UQCC1: variants seen among roughly 807,000 people sequenced by gnomAD.
The protein encoded by UQCC1 is ubiquinol-cytochrome c reductase complex assembly factor 1, also known as bFGF-repressed Zic-binding protein.
In UQCC1, 38 loss-of-function variants were observed where a neutral mutation model predicts 48.0. That is an observed-to-expected ratio of 0.79 (90% CI 0.61 to 1.04). The LOEUF (loss-of-function observed/expected upper bound fraction) is 1.04, where lower values mean the gene tolerates loss of function less well. UQCC1 is among the 50% of genes least tolerant of loss of function. The pLI, the probability that UQCC1 is intolerant of heterozygous loss-of-function variation, is 0.00. For missense variants in UQCC1, 368 were observed against 381.8 expected (o/e 0.96, Z 0.30); for synonymous variants, 111 against 129.2 (o/e 0.86, Z 0.95).
intron 7 of UQCC1, among the ~76,000 whole-genome samples, chr20:35,335,684 T>C (rs1381745463): frequency 6.6e-6 from 1 of 152,182 alleles, no homozygotes; most frequent in Non-Finnish European, 1.5e-5. Flanking sequence ...GGAACGGGTG[T>C]GACTGCTAAT....
At chr20:35,408,808 T>C (rs1000817913) in intron 1 of UQCC1, among the ~76,000 whole-genome samples, 3 of 151,876 alleles carry the variant, frequency 2.0e-5, no homozygotes, top group African/African-American at 7.3e-5. Flanking sequence ...TGAGCTATGA[T>C]TGAGCCACTA....
chr20:35,403,611 C>T (rs1375910098), intron 1 of UQCC1, among the ~76,000 whole-genome samples: 7 of 152,298 alleles, frequency 4.6e-5, no homozygotes, highest in African/African-American at 1.4e-4. Context: ...CACACACACA[C>T]GTATGTTTAC....
intron 5 of UQCC1, among the ~76,000 whole-genome samples, chr20:35,369,491 A>G (rs2061705444): frequency 6.6e-6 from 1 of 152,222 alleles, no homozygotes; most frequent in South Asian, 2.1e-4. Flanking sequence ...CTTGACATCA[A>G]GTTGGATACA....
chr20:35,314,569 T>C, intron 8 of UQCC1, 119 bp downstream of exon 8: 1 of 717,510 alleles, frequency 1.4e-6, no homozygotes, highest in Non-Finnish European at 2.3e-6. Flanking sequence ...AAGAAATAAA[T>C]ACTACGCCAT....
chr20:35,370,083 A>C (rs754971856), intron 5 of UQCC1, among the ~76,000 whole-genome samples: 1 of 152,188 alleles, frequency 6.6e-6, no homozygotes, highest in Non-Finnish European at 1.5e-5. Context: ...CAGACAAAAG[A>C]CATCCTCAAA....
intron 7 of UQCC1, among the ~76,000 whole-genome samples, chr20:35,320,650 C>T (rs373780918): frequency 6.6e-6 from 1 of 152,302 alleles, no homozygotes; most frequent in East Asian, 1.9e-4. Context: ...CATCAGATAT[C>T]CCTAGTAGAG....
chr20:35,374,302 T>A, intron 4 of UQCC1, 46 bp from the exon 5 acceptor site: 4 of 1,434,924 alleles, frequency 2.8e-6, no homozygotes, highest in Non-Finnish European at 3.9e-6. Flanking sequence ...ACCAAGTGGA[T>A]GTTCTACTTC....
At chr20:35,392,209 A>G in intron 2 of UQCC1, 1 of 1,301,894 alleles carries the variant, frequency 7.7e-7, no homozygotes, top group South Asian at 1.2e-5. Context: ...ATTCTGAGCC[A>G]AATCTTCCTC....
At chr20:35,326,490 G>A (rs935521266) in intron 7 of UQCC1, among the ~76,000 whole-genome samples, 1 of 152,098 alleles carries the variant, frequency 6.6e-6, no homozygotes, top group Non-Finnish European at 1.5e-5. Flanking sequence ...ATATGAGCAA[G>A]ATGTGTATTT....
At chr20:35,328,780 C>T (rs1435265020) in intron 7 of UQCC1, among the ~76,000 whole-genome samples, 3 of 152,180 alleles carry the variant, frequency 2.0e-5, no homozygotes, top group Admixed American at 2.0e-4. Context: ...TACACTCAGC[C>T]CTGCCCTGGG....
At chr20:35,334,957 G>A (rs2061299643) in intron 7 of UQCC1, among the ~76,000 whole-genome samples, 1 of 152,206 alleles carries the variant, frequency 6.6e-6, no homozygotes, top group Admixed American at 6.5e-5. Context: ...TACCCGAAGA[G>A]TGGCCAGGCC....
intron 1 of UQCC1, among the ~76,000 whole-genome samples, chr20:35,400,126 A>T (rs2062141664): frequency 6.6e-6 from 1 of 151,724 alleles, no homozygotes; most frequent in Admixed American, 6.6e-5. Context: ...GGGTTTCACC[A>T]TGTTGGCCAG....
At chr20:35,369,913 A>C (rs1317467605) in intron 5 of UQCC1, among the ~76,000 whole-genome samples, 1 of 152,200 alleles carries the variant, frequency 6.6e-6, no homozygotes, top group Admixed American at 6.6e-5. Flanking sequence ...CAAGGCCTCC[A>C]GTCTCTTAAG....
intron 4 of UQCC1, among the ~76,000 whole-genome samples, chr20:35,377,895 T>C (rs184524555): frequency 3.3e-5 from 5 of 152,338 alleles, no homozygotes; most frequent in African/African-American, 7.2e-5. Context: ...GCTCATGCTA[T>C]GGCAATCAGG....
intron 7 of UQCC1, among the ~76,000 whole-genome samples, chr20:35,338,943 C>T (rs35985279): frequency 8.3e-6 from 1 of 120,212 alleles, no homozygotes; most frequent in Non-Finnish European, 1.6e-5. Flanking sequence ...ACCTGAGCCT[C>T]TTCACAGACT....
At position 35,304,050 on chromosome 20, in the gene UQCC1, A is replaced by C. The variant is rs758063109; in HGVS notation, c.785T>G (p.Met262Arg). ...VRKQIQYLDS[M>R]NGEDLLLTGE... Reference sequence around the variant, plus strand: ...TGTCAGAAGCAGATCCTCCCCGTTCATGGAGTCCAGGTACTGTATCTGCAA... The same window carrying C: ...TGTCAGAAGCAGATCCTCCCCGTTCCTGGAGTCCAGGTACTGTATCTGCAA... The change falls in exon 10 of 10, where the codon ATG (methionine) becomes AGG (arginine). Residue 262 changes from methionine to arginine, a missense_variant. Physicochemically the swap from Met to Arg is moderately conservative, Grantham distance 91. Transcript: ENST00000374385. 50 of 1,613,988 alleles carry C rather than the reference A, an allele frequency of 3.1e-5. No homozygotes were observed. The highest frequency in any genetic ancestry group is 5.9e-6 in the Non-Finnish European group (7 of 1,180,002).
chr20:35,408,197 G>A (rs1286942603), intron 1 of UQCC1, among the ~76,000 whole-genome samples: 1 of 152,144 alleles, frequency 6.6e-6, no homozygotes, highest in Non-Finnish European at 1.5e-5. Context: ...GAGAGGCTGA[G>A]GCAGGAGTAT....
chr20:35,308,303 G>A (rs1430302054), intron 8 of UQCC1, among the ~76,000 whole-genome samples: 1 of 152,244 alleles, frequency 6.6e-6, no homozygotes, highest in African/African-American at 2.4e-5. Context: ...CTGGCACATG[G>A]GGACAGGAGC....
chr20:35,384,701 G>T, intron 2 of UQCC1: 1 of 445,142 alleles, frequency 2.2e-6, no homozygotes, highest in Non-Finnish European at 4.5e-6. Context: ...AGGTGGCGTG[G>T]CTCACACCTG....
Sources: gnomAD v4.1 joint callset for allele counts (sites outside exome capture counted in the v4.1 genomes callset) on GRCh38, gnomAD v4.1.1 for gene constraint, MANE v1.5 for transcripts, NCBI Gene and HGNC (gene_info 2026-07-23, HGNC 2026-07-21) for gene names.